The following SERPINB8 variants were observed in gnomAD, a reference collection of about 807,000 sequenced individuals.
SERPINB8 encodes serpin family B member 8, also known as serpin B8.
A neutral mutation model predicts 35.3 loss-of-function variants in SERPINB8; 25 were observed. The ratio of observed to expected loss-of-function variants is 0.71; its 90% CI spans 0.52 to 0.99. The LOEUF is 0.99. Ranked by LOEUF, SERPINB8 falls within the 50% of genes least tolerant of loss-of-function variation. The pLI is 0.00. For synonymous variants in SERPINB8, 186 were observed against 160.8 expected, an observed-to-expected ratio of 1.16 and a Z score of -1.19; for missense variants, 484 against 446.5, an observed-to-expected ratio of 1.08 and a Z score of -0.76.
downstream of SERPINB8, among the ~76,000 whole-genome samples, chr18:63,994,303 C>T (rs1214667993): frequency 6.6e-6 from 1 of 152,110 alleles, no homozygotes; most frequent in Non-Finnish European, 1.5e-5. Context: ...CACCTTAACA[C>T]CTGAAAGTAC....
downstream of SERPINB8, among the ~76,000 whole-genome samples, chr18:63,990,053 G>C (rs1054109085): frequency 7.3e-6 from 1 of 137,738 alleles, no homozygotes; most frequent in Non-Finnish European, 1.6e-5. Flanking sequence ...ATTGCTTCTT[G>C]CTTTATTTTG....
intron 3 of SERPINB8, 100 bp from the exon 4 acceptor site, chr18:63,981,621 A>T: frequency 1.2e-6 from 1 of 803,310 alleles, no homozygotes; most frequent in Non-Finnish European, 2.1e-6. Context: ...TGACCTGTCC[A>T]AGCACTTATT....
At chr18:64,001,890 G>C (rs1436894577) in intron 1 of SERPINB8, among the ~76,000 whole-genome samples, 1 of 152,170 alleles carries the variant, frequency 6.6e-6, no homozygotes, top group Admixed American at 6.5e-5. Flanking sequence ...GCATCTACTG[G>C]GGGACAGGTC....
At chr18:64,017,525 T>C (rs1243308868) in intron 7 of SERPINB8, among the ~76,000 whole-genome samples, 1 of 152,206 alleles carries the variant, frequency 6.6e-6, no homozygotes, top group African/African-American at 2.4e-5. Flanking sequence ...TCTACAATGC[T>C]AGGCACTGTA....
At chr18:63,976,878 G>A (rs1237121721) in intron 1 of SERPINB8, among the ~76,000 whole-genome samples, 1 of 151,832 alleles carries the variant, frequency 6.6e-6, no homozygotes, top group Non-Finnish European at 1.5e-5. Flanking sequence ...GGGAAAATGG[G>A]GCATCTTTTT....
intron 1 of SERPINB8, among the ~76,000 whole-genome samples, chr18:63,997,633 G>GT (rs2050856485): frequency 6.6e-6 from 1 of 152,180 alleles, no homozygotes; most frequent in African/African-American, 2.4e-5. Flanking sequence ...GCTTTATAAA[G>GT]TATGGTTGGC....
intron 7 of SERPINB8, among the ~76,000 whole-genome samples, chr18:64,015,384 T>C (rs1161531930): frequency 6.6e-6 from 1 of 152,164 alleles, no homozygotes; most frequent in Non-Finnish European, 1.5e-5. Flanking sequence ...TTACTTAAAA[T>C]CCTTTGGGCT....
At chr18:63,981,089 A>G (rs138384576) in intron 3 of SERPINB8, among the ~76,000 whole-genome samples, 4 of 152,358 alleles carry the variant, frequency 2.6e-5, no homozygotes, top group Non-Finnish European at 5.9e-5. Flanking sequence ...AAGCACTCAC[A>G]TGTACACATG....
chr18:63,983,444 A>T, intron 4 of SERPINB8, 135 bp from the exon 5 acceptor site: 1 of 762,382 alleles, frequency 1.3e-6, no homozygotes, highest in Non-Finnish European at 2.2e-6. Context: ...ACCATCGCCT[A>T]ATTCATCAGG....
Position 63,983,613 on chromosome 18 carries a change from C to T in SERPINB8, c.459C>T (p.Val153=), listed in dbSNP as rs376009990. 1.3e-5 allele frequency: 21 copies of T among 1,613,630 alleles called. No homozygotes were observed. The highest frequency in any genetic ancestry group is 8.0e-5 in the African/African-American group (6 of 74,888). Residue 153 remains valine, a synonymous_variant, in exon 5 of 7, where the codon GTC becomes GTT. Coordinates refer to ENST00000397985, the MANE Select transcript of SERPINB8 (RefSeq NM_002640.4). ...CAGAGGTACTGGATGCTGGGACAGT[C>T]GATCCCCTGACAAAGCTGGTCCTTG... ...KISEVLDAGT[V]DPLTKLVLVN... is the part of the protein sequence containing the mutation.
At chr18:63,989,777 A>G (rs2050811857), downstream of SERPINB8, among the ~76,000 whole-genome samples, 2 of 151,482 alleles carry the variant, frequency 1.3e-5, no homozygotes, top group South Asian at 4.2e-4. Flanking sequence ...CCCCGTCTCT[A>G]CTAAAAATAC....
At chr18:64,004,275 C>T (rs996134215) in intron 1 of SERPINB8, among the ~76,000 whole-genome samples, 1 of 151,986 alleles carries the variant, frequency 6.6e-6, no homozygotes, top group African/African-American at 2.4e-5. Context: ...GTTAAAAAAC[C>T]TGGCACTCAG....
downstream of SERPINB8, among the ~76,000 whole-genome samples, chr18:64,008,852 C>T (rs1009004212): frequency 4.6e-5 from 7 of 152,010 alleles, no homozygotes; most frequent in African/African-American, 7.2e-5. Flanking sequence ...TGCTAGAGCT[C>T]GTAGAAGGGT....
In SERPINB8 at chr18:63,974,292, T is replaced by C. The variant is rs2050545421; in HGVS notation, c.-10-4007T>C. Among the ~76,000 whole-genome samples the C allele has an allele frequency of 2.0e-5, 3 of 152,242 alleles. No homozygotes were observed. In the South Asian group the frequency reaches 6.2e-4, roughly 31 times the overall value. The stretch of plus-strand genomic sequence containing the variant: ...AAGCTTCTGGGCAGTGATTAACGCA[T>C]TTATTTTTCATTTTCTCCTCCCAAA... On this transcript the variant is annotated intron_variant, in intron 1 of 6. Coordinates refer to ENST00000397985, the MANE Select transcript of SERPINB8 (RefSeq NM_002640.4).
At chr18:64,006,349 G>C (rs1230507191), downstream of SERPINB8, among the ~76,000 whole-genome samples, 4 of 152,180 alleles carry the variant, frequency 2.6e-5, no homozygotes, top group East Asian at 7.7e-4. Context: ...CCCCCAATTT[G>C]ATGTTTTTCA....
At chr18:64,009,697 GT>G (rs34287433), downstream of SERPINB8, among the ~76,000 whole-genome samples, 8 of 152,190 alleles carry the variant, frequency 5.3e-5, no homozygotes, top group African/African-American at 1.9e-4. Context: ...AGCTGCAAAA[GT>G]TTTTTTGTGA....
chr18:63,985,640 T>C (rs1328097676), intron 6 of SERPINB8, among the ~76,000 whole-genome samples: 1 of 152,178 alleles, frequency 6.6e-6, no homozygotes, highest in East Asian at 1.9e-4. Flanking sequence ...AAGTGCAGAT[T>C]TTGATTCAAT....
downstream of SERPINB8, among the ~76,000 whole-genome samples, chr18:64,009,946 A>C (rs937200262): frequency 1.8e-4 from 27 of 152,182 alleles, no homozygotes; most frequent in Non-Finnish European, 1.5e-5. Flanking sequence ...ACATTAAAAT[A>C]CATGTATTTA....
At chr18:64,014,974 C>A (rs2050942904) in intron 7 of SERPINB8, among the ~76,000 whole-genome samples, 1 of 152,146 alleles carries the variant, frequency 6.6e-6, no homozygotes, top group African/African-American at 2.4e-5. Flanking sequence ...ACCTTTTGGG[C>A]CTTTTTATCT....
Sources: allele counts gnomAD v4.1 joint callset (sites outside exome capture counted in the v4.1 genomes callset), GRCh38; gene constraint gnomAD v4.1.1; transcripts MANE v1.5; gene names NCBI Gene and HGNC (gene_info 2026-07-23, HGNC 2026-07-21).